The following UGP2 variants were observed in gnomAD, a reference collection of about 807,000 sequenced individuals.
UGP2 encodes UDP-glucose pyrophosphorylase 2.
A neutral mutation model predicts 49.0 loss-of-function variants in UGP2; 40 were observed. The ratio of observed to expected loss-of-function variants is 0.82; its 90% CI spans 0.63 to 1.06. The LOEUF is 1.06. Among genes scored for constraint, UGP2 ranks in the 50% least tolerant of loss-of-function variants. The pLI, the probability that UGP2 is intolerant of heterozygous loss-of-function variation, is 0.00. For synonymous variants in UGP2, 225 were observed against 213.0 expected (o/e 1.06, Z -0.49); for missense variants, 460 against 603.5 (o/e 0.76, Z 2.49).
In UGP2 at chr2:63,884,775, T is replaced by C. The variant is rs374054184; in HGVS notation, c.575+682T>C. 5.3e-5 allele frequency among the ~76,000 whole-genome samples: 8 copies of C among 151,968 alleles called. No homozygotes were observed. In the East Asian group the frequency reaches 1.6e-3, roughly 29 times the overall value. On this transcript the variant is annotated intron_variant, in intron 5 of 9. Coordinates refer to ENST00000337130, the MANE Select transcript of UGP2 (RefSeq NM_006759.4). ...AAAAAAATTTAAAAATTAGCATTGG[T>C]GGTGTGCCCTTGTAGCCCAGCTACT... is the stretch of plus-strand genomic sequence containing the variant.
chr2:63,848,959 G>T (rs1668856576), intron 1 of UGP2, among the ~76,000 whole-genome samples: 2 of 152,138 alleles, frequency 1.3e-5, no homozygotes, highest in African/African-American at 4.8e-5. Context: ...AAATGAAATC[G>T]ATTGTGCCCC....
chr2:63,876,864 G>T (rs1340180945), intron 3 of UGP2, among the ~76,000 whole-genome samples: 3 of 152,166 alleles, frequency 2.0e-5, no homozygotes, highest in African/African-American at 7.2e-5. Context: ...CCAAATATTT[G>T]AACAGTATTC....
rs878905306 is a variant in UGP2, at chr2:63,882,859, T to G, written c.441+208T>G. 1.2e-5 allele frequency: 4 copies of G among 345,276 alleles called. No homozygotes were observed. The Admixed American group carries it at 1.9e-4, about 17-fold the overall frequency. The allele number at this position is 345,276 out of a possible 1,614,324, so 21.4% of individuals were successfully genotyped here. ...AAGGCTTTTGATCTTAAATAGCACC[T>G]GTGGTTGTTGAAATCTCTGGGTCTG... On this transcript the variant is annotated intron_variant, in intron 4 of 9. Transcript: ENST00000337130.
intron 1 of UGP2, chr2:63,855,521 T>TTTTTTTTTTTTTTTTTTTTTTTTTC: frequency 1.5e-4 from 3 of 19,890 alleles, no homozygotes; most frequent in Non-Finnish European, 2.9e-4. Flanking sequence ...TCTTTTTCTG[T>TTTTTTTTTTTTTTTTTTTTTTTTTC]TTTTTTTTTT....
intron 3 of UGP2, among the ~76,000 whole-genome samples, chr2:63,877,731 C>T (rs1471849043): frequency 1.3e-5 from 2 of 151,994 alleles, no homozygotes; most frequent in East Asian, 3.9e-4. Context: ...CGGTGGCTCA[C>T]GCCTGTAATC....
intron 6 of UGP2, 32 bp from the exon 7 acceptor site, chr2:63,886,309 G>A (rs1038191052): frequency 6.2e-7 from 1 of 1,603,924 alleles, no homozygotes; most frequent in Middle Eastern, 1.7e-4. Context: ...TGAGACTGAT[G>A]TGGAGGCACT....
chr2:63,880,976 C>T (rs1051698626), intron 3 of UGP2, among the ~76,000 whole-genome samples: 9 of 152,136 alleles, frequency 5.9e-5, no homozygotes, highest in African/African-American at 2.2e-4. Flanking sequence ...AGCTACTTAG[C>T]AGCACTTACC....
chr2:63,877,698 A>G (rs1276596976), intron 3 of UGP2, among the ~76,000 whole-genome samples: 1 of 152,192 alleles, frequency 6.6e-6, no homozygotes, highest in Non-Finnish European at 1.5e-5. Context: ...TTGTCTTGTA[A>G]GAAGTCTGCA....
At chr2:63,862,987 C>T (rs149743276) in intron 3 of UGP2, 225 of 386,188 alleles carry the variant, frequency 5.8e-4, no homozygotes, top group Non-Finnish European at 6.8e-4. Flanking sequence ...GAGTCATCTA[C>T]CTTTGTCCTT....
At chr2:63,876,497 T>G (rs920147106) in intron 3 of UGP2, among the ~76,000 whole-genome samples, 3 of 151,874 alleles carry the variant, frequency 2.0e-5, no homozygotes, top group African/African-American at 7.2e-5. Context: ...TGTTACTTCT[T>G]TTTTTCCTTT....
intron 3 of UGP2, among the ~76,000 whole-genome samples, chr2:63,859,923 G>A (rs377206455): frequency 6.6e-6 from 1 of 152,118 alleles, no homozygotes; most frequent in African/African-American, 2.4e-5. Flanking sequence ...TTTTATATAC[G>A]ATATGCATGT....
At position 63,860,702 on chromosome 2, in the gene UGP2, C is replaced by T. The variant is rs563921738; in HGVS notation, c.255+2766C>T. Among the ~76,000 whole-genome samples the T allele has an allele frequency of 6.6e-5, 10 of 152,008 alleles. No individual in the cohort carries two copies. In the South Asian group the frequency reaches 2.1e-3, roughly 32 times the overall value. Reference sequence around the variant, plus strand: ...CTCGAACTCCTGGGCTCAAGGGATCCTCCTGCCTCAGCCTCCTGAGTAGGC... The same window carrying T: ...CTCGAACTCCTGGGCTCAAGGGATCTTCCTGCCTCAGCCTCCTGAGTAGGC... On this transcript the variant is annotated intron_variant, in intron 3 of 9. Coordinates refer to ENST00000337130, the MANE Select transcript of UGP2 (RefSeq NM_006759.4).
chr2:63,877,170 C>T (rs1670962265), intron 3 of UGP2, among the ~76,000 whole-genome samples: 3 of 152,348 alleles, frequency 2.0e-5, no homozygotes, highest in East Asian at 1.9e-4. Context: ...ATTGCTTTTG[C>T]AGTCACCATA....
chr2:63,874,691 C>T (rs959744830), intron 3 of UGP2, among the ~76,000 whole-genome samples: 7 of 151,828 alleles, frequency 4.6e-5, no homozygotes, highest in Admixed American at 6.6e-5. Context: ...GTCATGGGAA[C>T]GGATCCCTCA....
intron 3 of UGP2, among the ~76,000 whole-genome samples, chr2:63,858,447 G>C (rs1052890304): frequency 6.6e-6 from 1 of 151,794 alleles, no homozygotes; most frequent in Non-Finnish European, 1.5e-5. Flanking sequence ...TTCCTAGTTA[G>C]AGGTACGTTT....
chr2:63,841,186 G>A (rs1671509027), upstream of UGP2: 1 of 152,192 alleles, frequency 6.6e-6, no homozygotes, highest in Non-Finnish European at 1.5e-5. Flanking sequence ...TTCTTCCCGG[G>A]GCGCCATAAA....
intron 1 of UGP2, among the ~76,000 whole-genome samples, chr2:63,849,337 T>A (rs187504012): frequency 6.5e-4 from 99 of 152,356 alleles, no homozygotes; most frequent in Admixed American, 1.6e-3. Context: ...TTCTTCTATT[T>A]GCTGCTCTGG....
rs979826970 is a variant in UGP2 at position 63,891,392 on chromosome 2, G to A, written c.*165G>A. ...ATGCTTTTAGTCTAAGAAAAGCACAGATGGAGCAATACTTTCCTTCTTTGA... is the reference window on the plus strand; with the variant it reads ...ATGCTTTTAGTCTAAGAAAAGCACAAATGGAGCAATACTTTCCTTCTTTGA... On this transcript the variant is annotated 3_prime_UTR_variant, in exon 10 of 10. Transcript: ENST00000337130. The A allele has an allele frequency of 6.3e-6, 3 of 472,862 alleles. No homozygotes were observed. In the East Asian group the frequency reaches 1.0e-4, roughly 16 times the overall value. The allele number at this position is 472,862 out of a possible 1,614,324, so 29.3% of individuals were successfully genotyped here.
chr2:63,882,874 C>A, intron 4 of UGP2: 1 of 304,302 alleles, frequency 3.3e-6, no homozygotes, highest in Non-Finnish European at 5.9e-6. Context: ...TTGTTGAAAT[C>A]TCTGGGTCTG....
Sources: gnomAD v4.1 joint callset for allele counts (sites outside exome capture counted in the v4.1 genomes callset) on GRCh38, gnomAD v4.1.1 for gene constraint, MANE v1.5 for transcripts, NCBI Gene and HGNC (gene_info 2026-07-23, HGNC 2026-07-21) for gene names.